Variants in AGAP1 observed in about 807,000 individuals in gnomAD.
The protein encoded by AGAP1 is ArfGAP with GTPase domain, ankyrin repeat and PH domain 1.
In AGAP1, 29 loss-of-function variants were observed where a neutral mutation model predicts 105.3. That is an observed-to-expected ratio of 0.28 (90% CI 0.21 to 0.38). AGAP1 has a LOEUF of 0.38. Among genes scored for constraint, AGAP1 ranks in the 10% least tolerant of loss-of-function variants. AGAP1 has a pLI of 1.00. For missense variants in AGAP1, 998 were observed against 1,165.1 expected, an observed-to-expected ratio of 0.86 and a Z score of 2.09; for synonymous variants, 509 against 485.9, an observed-to-expected ratio of 1.05 and a Z score of -0.63.
intron 1 of AGAP1, among the ~76,000 whole-genome samples, chr2:235,652,403 G>T (rs1235058726): frequency 6.6e-6 from 1 of 151,996 alleles, no homozygotes. Flanking sequence ...CTCCTTAGAG[G>T]CCCATCAGCC....
At chr2:235,607,530 C>T (rs1945985714) in intron 1 of AGAP1, among the ~76,000 whole-genome samples, 1 of 152,226 alleles carries the variant, frequency 6.6e-6, no homozygotes, top group Non-Finnish European at 1.5e-5. Flanking sequence ...AGCCCGTTGG[C>T]CTGGGTGTCC....
At chr2:235,859,396 C>A (rs1184043080) in intron 9 of AGAP1, among the ~76,000 whole-genome samples, 2 of 72,894 alleles carry the variant, frequency 2.7e-5, no homozygotes, top group East Asian at 4.3e-3. Context: ...CACAACCTCC[C>A]CCCCCCCCCC....
Position 235,825,977 on chromosome 2 carries a change from A to G in AGAP1, c.1050+18646A>G, listed in dbSNP as rs923632942. ...AAAACATCTCATGTGCCTCATAAATATATACACCTACTATGTACTCAAAAA... is the reference window on the plus strand; with the variant it reads ...AAAACATCTCATGTGCCTCATAAATGTATACACCTACTATGTACTCAAAAA... On this transcript the variant is annotated intron_variant, in intron 9 of 17. Coordinates refer to ENST00000304032, the MANE Select transcript of AGAP1 (RefSeq NM_001037131.3). Among the ~76,000 whole-genome samples, 9 of 152,276 alleles carry G rather than the reference A, an allele frequency of 5.9e-5. No homozygotes were observed. The East Asian group carries it at 1.5e-3, about 26-fold the overall frequency.
At position 235,687,899 on chromosome 2, in the gene AGAP1, C is replaced by CTTTTT. The variant is rs10670064; in HGVS notation, c.164-21264_164-21260dup. On this transcript the variant is annotated intron_variant, in intron 1 of 17. Coordinates refer to ENST00000304032, the MANE Select transcript of AGAP1 (RefSeq NM_001037131.3). The stretch of plus-strand genomic sequence containing the variant: ...TTTCTTCTTAATCGCCGCTCTCTGA[C>CTTTTT]TTTTTTTTTTTTTTTTTTTTGAGAT... Among the ~76,000 whole-genome samples the CTTTTT allele has an allele frequency of 5.1e-4, 46 of 89,658 alleles. 2 individuals are homozygous for CTTTTT. Among genetic ancestry groups the CTTTTT allele is most frequent in the African/African-American group, 1.0e-3 (23 of 22,704 alleles). The allele number at this position is 89,658 out of a possible 152,430, so 58.8% of individuals were successfully genotyped here.
Position 235,554,000 on chromosome 2 carries a change from C to T in AGAP1, c.163+59151C>T, listed in dbSNP as rs1255770728. ...GGGTGGACAAAGGTTTTCTGTGTGACTCACCTCTGGCCAGAAATTTAGGGA... is the reference window on the plus strand; with the variant it reads ...GGGTGGACAAAGGTTTTCTGTGTGATTCACCTCTGGCCAGAAATTTAGGGA... On this transcript the variant is annotated intron_variant, in intron 1 of 17. Coordinates refer to ENST00000304032, the MANE Select transcript of AGAP1 (RefSeq NM_001037131.3). This position sits in a 1 kb window ranked among gnomAD's most constrained non-coding sequence, Gnocchi z 4.5. Among the ~76,000 whole-genome samples, 1 of 152,206 alleles carries T rather than the reference C, an allele frequency of 6.6e-6. No homozygotes were observed. The highest frequency in any genetic ancestry group is 1.5e-5 in the Non-Finnish European group (1 of 68,052).
rs1430179072 is a variant in AGAP1 at position 235,709,229 on chromosome 2, C to T, written c.214C>T (p.Leu72Phe). Residue 72 changes from leucine to phenylalanine, a missense_variant, in exon 2 of 18, where the codon CTC (leucine) becomes TTC (phenylalanine). Around this residue, in one of 3 missense-constraint regions of AGAP1, gnomAD observed 735 missense variants for 833.4 expected, o/e 0.88. Transcript: ENST00000304032. ...EWTLSRSVPE[L>F]KVGIVGNLAS... is the part of the protein sequence containing the mutation. ...GACGCTGAGTCGATCTGTCCCGGAG[C>T]TCAAAGTGGTGAGTGGTTCCCTCTG... is the stretch of plus-strand genomic sequence containing the variant. The T allele has an allele frequency of 6.2e-7, 1 of 1,614,084 alleles. No individual in the cohort carries two copies. Among genetic ancestry groups the T allele is most frequent in the Admixed American group, 1.7e-5 (1 of 60,018 alleles).
chr2:236,053,243 G>A lies in AGAP1; in HGVS notation c.2114+3962G>A, dbSNP rs953854277. On this transcript the variant is annotated intron_variant, in intron 16 of 17. Coordinates refer to ENST00000304032, the MANE Select transcript of AGAP1 (RefSeq NM_001037131.3). The surrounding 1 kb of genome is among the most constrained non-coding windows in gnomAD (Gnocchi z 4.6). ...GGTGAAGATGTTAAAACAGTCGTGCGAACGTCTCCTGCATGAATGAATGAT... is the reference window on the plus strand; with the variant it reads ...GGTGAAGATGTTAAAACAGTCGTGCAAACGTCTCCTGCATGAATGAATGAT... 3.3e-5 allele frequency among the ~76,000 whole-genome samples: 5 copies of A among 152,236 alleles called. No individual in the cohort carries two copies. The highest frequency in any genetic ancestry group is 9.7e-5 in the African/African-American group (4 of 41,448).
rs77472404 is a variant in AGAP1, at chr2:235,875,794, G to T, written c.1051-7551G>T. On this transcript the variant is annotated intron_variant, in intron 9 of 17. Transcript: ENST00000304032. This position sits in a 1 kb window ranked among gnomAD's most constrained non-coding sequence, Gnocchi z 4.0. The stretch of plus-strand genomic sequence containing the variant: ...AGTACGTGCAGTGATTTTGATGGCT[G>T]TTTATCCGGACTAATCAGACAAAAA... Among the ~76,000 whole-genome samples, 1 of 152,144 alleles carries T rather than the reference G, an allele frequency of 6.6e-6. No individual in the cohort carries two copies. Among genetic ancestry groups the T allele is most frequent in the Non-Finnish European group, 1.5e-5 (1 of 68,034 alleles).
intron 9 of AGAP1, among the ~76,000 whole-genome samples, chr2:235,848,368 G>A (rs1456822618): frequency 2.0e-5 from 3 of 152,182 alleles, no homozygotes; most frequent in African/African-American, 7.2e-5. Flanking sequence ...TCCATGCAAG[G>A]TAAATGAATA....
At chr2:236,049,031 GT>G (rs2057815776) in intron 15 of AGAP1, 27 bp from the exon 16 acceptor site, 4 of 1,595,534 alleles carry the variant, frequency 2.5e-6, no homozygotes, top group Non-Finnish European at 3.4e-6. Context: ...GTCTGATTGC[GT>G]TTAGCGTTCT....
Position 235,739,523 on chromosome 2 carries a change from G to A in AGAP1, c.311-1440G>A, listed in dbSNP as rs1354558660. Among the ~76,000 whole-genome samples, 1 of 152,218 alleles carries A rather than the reference G, an allele frequency of 6.6e-6. No homozygotes were observed. Among genetic ancestry groups the A allele is most frequent in the African/African-American group, 2.4e-5 (1 of 41,450 alleles). On this transcript the variant is annotated intron_variant, in intron 3 of 17. Transcript: ENST00000304032. The surrounding 1 kb of genome is among the most constrained non-coding windows in gnomAD (Gnocchi z 5.3). ...ACCGTCTTGTTTCAGTGACTGGGGGGACAGCAAAATGAGAGTTTATCTGCT... is the reference window on the plus strand; with the variant it reads ...ACCGTCTTGTTTCAGTGACTGGGGGAACAGCAAAATGAGAGTTTATCTGCT...
rs570163482 is a variant in AGAP1 at position 235,693,438 on chromosome 2, G to A, written c.164-15741G>A. 2.0e-5 allele frequency among the ~76,000 whole-genome samples: 3 copies of A among 152,288 alleles called. No homozygotes were observed. In the East Asian group the frequency reaches 5.8e-4, roughly 29 times the overall value. On this transcript the variant is annotated intron_variant, in intron 1 of 17. Coordinates refer to ENST00000304032, the MANE Select transcript of AGAP1 (RefSeq NM_001037131.3). ...GCCCAAGTGCAGTCTCTGGCATGGG[G>A]ACTCAGCCTAGAGTGATCAGCCACC...
intron 1 of AGAP1, among the ~76,000 whole-genome samples, chr2:235,649,904 C>T (rs942914335): frequency 3.3e-5 from 5 of 152,164 alleles, no homozygotes; most frequent in African/African-American, 1.2e-4. Context: ...TGTGGAGTGC[C>T]TTTTATACCA....
At chr2:235,672,771 T>C (rs1276521878) in intron 1 of AGAP1, among the ~76,000 whole-genome samples, 2 of 152,242 alleles carry the variant, frequency 1.3e-5, no homozygotes, top group African/African-American at 4.8e-5. Flanking sequence ...TTAGAGAGAA[T>C]GCATTTCATT....
rs1946284186 is a variant in AGAP1 at position 235,615,649 on chromosome 2, C to T, written c.164-93530C>T. On this transcript the variant is annotated intron_variant, in intron 1 of 17. Coordinates refer to ENST00000304032, the MANE Select transcript of AGAP1 (RefSeq NM_001037131.3). The surrounding 1 kb of genome is among the most constrained non-coding windows in gnomAD (Gnocchi z 5.0). ...TTCACAGGATAGCTATGCATTTTGC[C>T]TCTTGGGGAGCTGGGTTATTGTGAA... Among the ~76,000 whole-genome samples the T allele has an allele frequency of 6.6e-6, 1 of 152,144 alleles. No individual in the cohort carries two copies. Among genetic ancestry groups the T allele is most frequent in the Non-Finnish European group, 1.5e-5 (1 of 68,036 alleles).
intron 1 of AGAP1, among the ~76,000 whole-genome samples, chr2:235,526,671 A>AC (rs5839596): frequency 0.89 from 134,637 of 151,878 alleles, 60,003 homozygotes; most frequent in East Asian, 0.99. Flanking sequence ...TTACAAAATT[A>AC]TTGTGTGTAT....
chr2:235,761,420 ATC>A (rs1954426827), intron 6 of AGAP1, among the ~76,000 whole-genome samples: 1 of 152,192 alleles, frequency 6.6e-6, no homozygotes, highest in Non-Finnish European at 1.5e-5. Context: ...GTTAAGACTC[ATC>A]TCTTTTGCTC....
At chr2:235,916,896 C>T (rs2051912858) in intron 11 of AGAP1, among the ~76,000 whole-genome samples, 1 of 152,178 alleles carries the variant, frequency 6.6e-6, no homozygotes. Flanking sequence ...AGACAGCATC[C>T]CACTATCATG....
intron 9 of AGAP1, among the ~76,000 whole-genome samples, chr2:235,817,410 T>TA (rs1287094664): frequency 6.6e-6 from 1 of 152,018 alleles, no homozygotes; most frequent in East Asian, 1.9e-4. Flanking sequence ...ATGACATTTT[T>TA]ATCAGATAGT....
Sources: gnomAD v4.1 joint callset for allele counts (sites outside exome capture counted in the v4.1 genomes callset) on GRCh38, gnomAD v4.1.1 for gene constraint, gnomAD v4.1.1 regional missense constraint, Gnocchi (gnomAD v3.1) non-coding constraint, MANE v1.5 for transcripts, NCBI Gene and HGNC (gene_info 2026-07-23, HGNC 2026-07-21) for gene names.